The following ANK3 variants were observed in gnomAD, a reference collection of about 807,000 sequenced individuals.
ANK3 encodes ankyrin-3.
In ANK3, 57 loss-of-function variants were observed where a neutral mutation model predicts 370.9. The observed-to-expected ratio is 0.15, with a 90% confidence interval of 0.12 to 0.19. The LOEUF (loss-of-function observed/expected upper bound fraction) is 0.19, where lower values mean the gene tolerates loss of function less well. ANK3 is among the 10% of genes least tolerant of loss of function. ANK3 has a pLI of 1.00. For synonymous variants in ANK3, 1,929 were observed against 1,946.3 expected, an observed-to-expected ratio of 0.99 and a Z score of 0.23; for missense variants, 4,439 against 5,302.1, an observed-to-expected ratio of 0.84 and a Z score of 5.06.
At chr10:60,196,094 G>C in intron 16 of ANK3, 51 bp downstream of exon 16, 1 of 1,502,248 alleles carries the variant, frequency 6.7e-7, no homozygotes, top group Non-Finnish European at 9.2e-7. Flanking sequence ...TGCAGATAGA[G>C]ACTGATAGAC....
chr10:60,621,103 CT>C (rs2078330622), intron 1 of ANK3, among the ~76,000 whole-genome samples: 1 of 152,314 alleles, frequency 6.6e-6, no homozygotes, highest in African/African-American at 2.4e-5. Flanking sequence ...TGAAATAACA[CT>C]GGTTAAATTA....
chr10:60,237,608 AAATTT>A (rs2097353711), intron 7 of ANK3, among the ~76,000 whole-genome samples: 2 of 151,136 alleles, frequency 1.3e-5, no homozygotes, highest in South Asian at 2.1e-4. Context: ...TCTTTTTTTT[AAATTT>A]AATTTAATTT....
intron 2 of ANK3, among the ~76,000 whole-genome samples, chr10:60,413,462 T>C (rs1473863404): frequency 1.3e-5 from 2 of 152,372 alleles, no homozygotes; most frequent in East Asian, 3.9e-4. Flanking sequence ...AAGGTAGTTA[T>C]TGAGTAACTT....
At chr10:60,030,511 CAT>C (rs2073215119) in intron 43 of ANK3, among the ~76,000 whole-genome samples, 1 of 152,148 alleles carries the variant, frequency 6.6e-6, no homozygotes, top group Non-Finnish European at 1.5e-5. Context: ...ATGAAGGTCA[CAT>C]AATGTGAGCA....
At chr10:60,084,980 G>T in intron 31 of ANK3, 150 bp from the exon 32 acceptor site, 1 of 754,634 alleles carries the variant, frequency 1.3e-6, no homozygotes, top group Non-Finnish European at 2.1e-6. Flanking sequence ...ATGCTTTTTC[G>T]ATGTATCAAA....
At chr10:60,644,423 T>G (rs2078679589) in intron 1 of ANK3, among the ~76,000 whole-genome samples, 1 of 152,258 alleles carries the variant, frequency 6.6e-6, no homozygotes, top group Non-Finnish European at 1.5e-5. Context: ...AGATTTTTCC[T>G]TCATGTTATG....
chr10:60,439,400 G>A (rs547293344), intron 2 of ANK3, among the ~76,000 whole-genome samples: 4 of 152,174 alleles, frequency 2.6e-5, no homozygotes, highest in African/African-American at 4.8e-5. Context: ...GCTCATGCCC[G>A]TAATCCCAGT....
intron 18 of ANK3, among the ~76,000 whole-genome samples, chr10:60,180,944 T>C (rs2096159114): frequency 6.6e-6 from 1 of 152,210 alleles, no homozygotes; most frequent in South Asian, 2.1e-4. Context: ...TAAATCATGC[T>C]GAACGAACGT....
intron 18 of ANK3, among the ~76,000 whole-genome samples, chr10:60,180,615 C>CAAAAAAA (rs990463587): frequency 1.9e-5 from 2 of 106,150 alleles, no homozygotes; most frequent in Non-Finnish European, 1.9e-5. Context: ...AAAAAAAAAC[C>CAAAAAAA]AAAAAAAAAA....
intron 37 of ANK3, 129 bp from the exon 38 acceptor site, chr10:60,068,138 C>A: frequency 1.3e-6 from 1 of 745,552 alleles, no homozygotes; most frequent in Non-Finnish European, 2.2e-6. Context: ...GTGTCCTAGT[C>A]ACCTACATGA....
At chr10:60,202,959 T>C in intron 12 of ANK3, 43 bp downstream of exon 12, 2 of 1,421,624 alleles carry the variant, frequency 1.4e-6, no homozygotes, top group Non-Finnish European at 9.7e-7. Context: ...TGCCAGTTTA[T>C]TAAATACTCA....
At chr10:60,503,089 C>T (rs2075846912) in intron 2 of ANK3, among the ~76,000 whole-genome samples, 1 of 152,170 alleles carries the variant, frequency 6.6e-6, no homozygotes, top group African/African-American at 2.4e-5. Flanking sequence ...TACTCTCATA[C>T]ATAAACAATC....
intron 28 of ANK3, among the ~76,000 whole-genome samples, chr10:60,101,711 G>A (rs1589999279): frequency 1.3e-5 from 2 of 152,094 alleles, no homozygotes; most frequent in South Asian, 2.1e-4. Flanking sequence ...CACCTACTTC[G>A]TTAGCAAAAC....
intron 1 of ANK3, among the ~76,000 whole-genome samples, chr10:60,724,209 CAAAAAAAAAAAA>C (rs398013720): frequency 3.7e-5 from 2 of 54,608 alleles, no homozygotes; most frequent in African/African-American, 7.7e-5. Flanking sequence ...GACTCCGTCT[CAAAAAAAAAAAA>C]AAAAAAAAAA....
upstream of ANK3, among the ~76,000 whole-genome samples, chr10:60,392,045 G>T (rs528687759): frequency 8.5e-5 from 13 of 152,234 alleles, no homozygotes; most frequent in African/African-American, 3.1e-4. Context: ...ACTAAGAAAG[G>T]CAGCCCTGTG....
At chr10:60,100,235 T>TTTTTTTC in intron 28 of ANK3, among the ~76,000 whole-genome samples, 1 of 19,096 alleles carries the variant, frequency 5.2e-5, no homozygotes, top group South Asian at 1.1e-3. Context: ...TTTGCTATGG[T>TTTTTTTC]TTTTTTTTTT....
At chr10:60,226,906 A>G (rs2097173024) in intron 8 of ANK3, among the ~76,000 whole-genome samples, 1 of 151,156 alleles carries the variant, frequency 6.6e-6, no homozygotes. Flanking sequence ...AGACCTCACA[A>G]TAGATTGATA....
intron 2 of ANK3, among the ~76,000 whole-genome samples, chr10:60,397,251 G>A (rs2132893002): frequency 6.7e-6 from 1 of 149,392 alleles, no homozygotes; most frequent in African/African-American, 2.5e-5. Context: ...ATGAAAATCA[G>A]TCAAATTTCA....
chr10:60,445,107 T>G (rs1443682971), intron 2 of ANK3, among the ~76,000 whole-genome samples: 1 of 152,192 alleles, frequency 6.6e-6, no homozygotes, highest in Non-Finnish European at 1.5e-5. Context: ...AACTAATTAT[T>G]GAAACTATGT....
Sources: allele counts gnomAD v4.1 joint callset (sites outside exome capture counted in the v4.1 genomes callset), GRCh38; gene constraint gnomAD v4.1.1; transcripts MANE v1.5; gene names NCBI Gene and HGNC (gene_info 2026-07-23, HGNC 2026-07-21).